MALRD1: variants seen among roughly 807,000 people sequenced by gnomAD.
MALRD1 encodes MAM and LDL receptor class A domain containing 1.
In MALRD1, 247 loss-of-function variants were observed where a neutral mutation model predicts 242.1. That is an observed-to-expected ratio of 1.02 (90% CI 0.92 to 1.13). MALRD1 has a LOEUF of 1.13. Ranked by LOEUF, MALRD1 falls within the 50% of genes most tolerant of loss-of-function variation. The probability of loss-of-function intolerance (pLI) is 0.00; values close to 1 mark genes in which losing one functional copy is unlikely to be tolerated. For missense variants in MALRD1, 2,989 were observed against 2,533.1 expected, an observed-to-expected ratio of 1.18 and a Z score of -3.86; for synonymous variants, 995 against 866.6, an observed-to-expected ratio of 1.15 and a Z score of -2.60.
chr10:19,427,330 A>G (rs768390307), intron 28 of MALRD1, among the ~76,000 whole-genome samples: 63 of 152,332 alleles, frequency 4.1e-4, no homozygotes, highest in Non-Finnish European at 7.8e-4. Context: ...TGGCTATCAT[A>G]TTTTTATATA....
In MALRD1 at chr10:19,146,329, G is replaced by A. The variant is rs186270977; in HGVS notation, c.1543G>A (p.Ala515Thr). 2.9e-4 allele frequency: 355 copies of A among 1,231,380 alleles called. 4 individuals are homozygous for A. In the South Asian group the frequency reaches 0.01, roughly 35 times the overall value. 76.3% of individuals were successfully genotyped at this position (1,231,380 alleles called of 1,614,324 possible). A position where few individuals can be genotyped will look rare whatever the true frequency, so the allele number is the denominator to read the frequency against. The change falls in exon 11 of 40, where the codon GCA becomes ACA. Residue 515 changes from alanine (A) to threonine (T), a missense_variant. Coordinates refer to ENST00000454679, the MANE Select transcript of MALRD1 (RefSeq NM_001142308.3). ...EHHFPAADHT[A>T]NINHGSFIYL... ...CCACTTTCCTGCAGCTGATCACACA[G>A]CAAACATAAATCATGGTAGGACATT... is the stretch of plus-strand genomic sequence containing the variant.
At chr10:19,448,468 A>G (rs1835126912) in intron 28 of MALRD1, among the ~76,000 whole-genome samples, 1 of 152,084 alleles carries the variant, frequency 6.6e-6, no homozygotes, top group South Asian at 2.1e-4. Flanking sequence ...ATCCATCATT[A>G]TGATTTGTTA....
At chr10:19,212,660 G>T (rs1264254545) in intron 18 of MALRD1, among the ~76,000 whole-genome samples, 1 of 145,518 alleles carries the variant, frequency 6.9e-6, no homozygotes, top group Admixed American at 7.1e-5. Context: ...CTTTTTAAGG[G>T]ACTCTTAAAC....
intron 18 of MALRD1, among the ~76,000 whole-genome samples, chr10:19,241,520 T>G: frequency 6.6e-6 from 1 of 152,140 alleles, no homozygotes; most frequent in East Asian, 1.9e-4. Context: ...TTTATTTATC[T>G]TTTGAAATAT....
chr10:19,378,930 GCC>G (rs1273165801), intron 26 of MALRD1, among the ~76,000 whole-genome samples: 1 of 151,926 alleles, frequency 6.6e-6, no homozygotes, highest in African/African-American at 2.4e-5. Context: ...GCCAAATTTT[GCC>G]CTAGAGTCTT....
chr10:19,597,770 C>T (rs532237593), intron 34 of MALRD1, among the ~76,000 whole-genome samples: 2 of 152,248 alleles, frequency 1.3e-5, no homozygotes, highest in East Asian at 1.9e-4. Context: ...ACAAGCACCT[C>T]GTGTTAGAAG....
At chr10:19,396,867 A>T (rs1846607653) in intron 28 of MALRD1, among the ~76,000 whole-genome samples, 1 of 152,238 alleles carries the variant, frequency 6.6e-6, no homozygotes, top group African/African-American at 2.4e-5. Context: ...ATCTAGTAAC[A>T]GTTACTGCAT....
intron 36 of MALRD1, among the ~76,000 whole-genome samples, chr10:19,691,209 A>G (rs1842804783): frequency 6.6e-6 from 1 of 152,136 alleles, no homozygotes; most frequent in African/African-American, 2.4e-5. Context: ...AATTGCAGAA[A>G]CGTTAAAACA....
intron 12 of MALRD1, among the ~76,000 whole-genome samples, chr10:19,162,290 CCT>C (rs34173895): frequency 1.2e-4 from 18 of 149,494 alleles, no homozygotes; most frequent in Middle Eastern, 3.5e-3. Flanking sequence ...TCCTCTCTTT[CCT>C]CTCTCTCTCT....
intron 36 of MALRD1, among the ~76,000 whole-genome samples, chr10:19,655,558 ATATATATATATATG>A (rs1184009085): frequency 7.1e-6 from 1 of 141,156 alleles, no homozygotes; most frequent in Non-Finnish European, 1.5e-5. Flanking sequence ...ATATATATAT[ATATATATATATATG>A]GAGATAATTT....
intron 18 of MALRD1, among the ~76,000 whole-genome samples, chr10:19,228,762 A>G (rs3814610): frequency 6.6e-6 from 1 of 151,952 alleles, no homozygotes; most frequent in Non-Finnish European, 1.5e-5. Flanking sequence ...ACATGTCTAA[A>G]AATCTCAGCA....
intron 31 of MALRD1, among the ~76,000 whole-genome samples, chr10:19,519,951 T>A (rs890317365): frequency 6.6e-6 from 1 of 152,190 alleles, no homozygotes; most frequent in Non-Finnish European, 1.5e-5. Context: ...TAACTAAAGG[T>A]AGATCATTGT....
Position 19,664,587 on chromosome 10 carries a change from T to G in MALRD1, c.6138-27695T>G, listed in dbSNP as rs540249783. 1.1e-3 allele frequency among the ~76,000 whole-genome samples: 172 copies of G among 152,090 alleles called. 1 individual carries two copies. Among genetic ancestry groups the G allele is most frequent in the Non-Finnish European group, 1.8e-3 (125 of 68,000 alleles). On this transcript the variant is annotated intron_variant, in intron 36 of 39. Transcript: ENST00000454679. Reference sequence around the variant, plus strand: ...TAAAGGCTTCACAGAATAACATCTTTCTTTAAATAAATGGAGCCCCACGTC... The same window carrying G: ...TAAAGGCTTCACAGAATAACATCTTGCTTTAAATAAATGGAGCCCCACGTC...
chr10:19,728,907 A>T (rs570493742), intron 38 of MALRD1, among the ~76,000 whole-genome samples: 22 of 152,342 alleles, frequency 1.4e-4, no homozygotes, highest in Non-Finnish European at 2.9e-4. Context: ...AAAGGCAAAG[A>T]GTCAAACACA....
rs1041002618 is a variant in MALRD1 at position 19,111,200 on chromosome 10, T to A, written c.694+7125T>A. Among the ~76,000 whole-genome samples the A allele has an allele frequency of 4.6e-5, 7 of 152,274 alleles. No homozygotes were observed. The East Asian group carries it at 1.3e-3, about 29-fold the overall frequency. On this transcript the variant is annotated intron_variant, in intron 5 of 39. Transcript: ENST00000454679. ...ATGTGTAGTAAGTATTTAAAAAGACTCTATAAAATCACTACAGAAGTACAA... is the reference window on the plus strand; with the variant it reads ...ATGTGTAGTAAGTATTTAAAAAGACACTATAAAATCACTACAGAAGTACAA...
At chr10:19,164,046 G>T (rs1834562801) in intron 12 of MALRD1, among the ~76,000 whole-genome samples, 2 of 152,174 alleles carry the variant, frequency 1.3e-5, no homozygotes. Flanking sequence ...GATCTAAAAT[G>T]TAATTGCAGT....
At chr10:19,468,303 A>G (rs1836325060) in intron 29 of MALRD1, among the ~76,000 whole-genome samples, 1 of 152,134 alleles carries the variant, frequency 6.6e-6, no homozygotes, top group South Asian at 2.1e-4. Flanking sequence ...TATTTTCTTA[A>G]TTGCTTTAAA....
chr10:19,119,292 G>T (rs139158646), intron 5 of MALRD1, among the ~76,000 whole-genome samples: 16 of 152,152 alleles, frequency 1.1e-4, no homozygotes, highest in African/African-American at 3.9e-4. Flanking sequence ...CCGCCCAAGG[G>T]GTTCACCTTG....
chr10:19,263,038 T>C (rs1003576046), intron 19 of MALRD1, among the ~76,000 whole-genome samples: 2 of 152,224 alleles, frequency 1.3e-5, no homozygotes, highest in Non-Finnish European at 2.9e-5. Flanking sequence ...TCTATCTCCA[T>C]ACATGTAAGT....
Sources: allele counts gnomAD v4.1 joint callset (sites outside exome capture counted in the v4.1 genomes callset), GRCh38; gene constraint gnomAD v4.1.1; transcripts MANE v1.5; gene names NCBI Gene and HGNC (gene_info 2026-07-23, HGNC 2026-07-21).